The following FOXN2 variants were observed in gnomAD, a reference collection of about 807,000 sequenced individuals.
The protein encoded by FOXN2 is forkhead box protein N2.
Under a neutral mutation model 41.2 loss-of-function variants are expected in FOXN2, and 19 were observed. The observed-to-expected ratio is 0.46, with a 90% CI of 0.32 to 0.68. FOXN2 has a LOEUF of 0.68. Among genes scored for constraint, FOXN2 ranks in the 30% least tolerant of loss-of-function variants. The pLI is 0.03. For synonymous variants in FOXN2, 195 were observed against 176.8 expected (o/e 1.10, Z -0.82); for missense variants, 587 against 509.4 (o/e 1.15, Z -1.47).
At chr2:48,345,511 A>T (rs1012125444) in intron 2 of FOXN2, among the ~76,000 whole-genome samples, 3 of 152,154 alleles carry the variant, frequency 2.0e-5, no homozygotes, top group Admixed American at 6.5e-5. Flanking sequence ...CCACAAAGAG[A>T]GATAGGTATA....
chr2:48,319,681 G>A (rs1669161445), intron 1 of FOXN2, among the ~76,000 whole-genome samples: 1 of 148,148 alleles, frequency 6.8e-6, no homozygotes, highest in Non-Finnish European at 1.5e-5. Context: ...AACAATCACA[G>A]TGCACTGCAA....
At position 48,346,704 on chromosome 2, in the gene FOXN2, C is replaced by T; in HGVS notation, c.490C>T (p.Leu164=). ...CTGGAAGAATTCTGTTCGACATAAT[C>T]TGTCCCTGAATAAATGTTTTCAGAA... ...TGWKNSVRHN[L]SLNKCFQKVE... is the part of the protein sequence containing the mutation. The change falls in exon 3 of 7, where the codon CTG becomes TTG. Residue 164 remains leucine, a synonymous_variant. Coordinates refer to ENST00000340553, the MANE Select transcript of FOXN2 (RefSeq NM_002158.4). The T allele has an allele frequency of 4.4e-6, 7 of 1,608,966 alleles. No individual in the cohort carries two copies. Among genetic ancestry groups the T allele is most frequent in the Non-Finnish European group, 5.1e-6 (6 of 1,178,396 alleles).
At chr2:48,346,869 G>A in intron 3 of FOXN2, 118 bp downstream of exon 3, 1 of 755,752 alleles carries the variant, frequency 1.3e-6, no homozygotes, top group East Asian at 2.7e-5. Context: ...TACTTCAGCT[G>A]AACTGAATTA....
At chr2:48,345,227 T>A (rs1023432269) in intron 2 of FOXN2, among the ~76,000 whole-genome samples, 3 of 152,116 alleles carry the variant, frequency 2.0e-5, no homozygotes, top group Non-Finnish European at 4.4e-5. Flanking sequence ...AATGATAACT[T>A]ATAGTGAATT....
intron 4 of FOXN2, among the ~76,000 whole-genome samples, chr2:48,361,183 A>G (rs911272443): frequency 1.3e-5 from 2 of 152,112 alleles, no homozygotes; most frequent in Non-Finnish European, 2.9e-5. Flanking sequence ...GATAAAAACT[A>G]TGGTCAGGTG....
intron 4 of FOXN2, among the ~76,000 whole-genome samples, chr2:48,361,389 C>T (rs1672172774): frequency 6.6e-6 from 1 of 151,896 alleles, no homozygotes; most frequent in African/African-American, 2.4e-5. Context: ...TCATCTTGAA[C>T]CCAGGAGGCA....
intron 2 of FOXN2, among the ~76,000 whole-genome samples, chr2:48,342,753 A>G (rs183948300): frequency 2.5e-3 from 377 of 152,278 alleles, no homozygotes; most frequent in Non-Finnish European, 4.1e-3. Context: ...AAAGTGTTCT[A>G]TAAGGATAGT....
intron 3 of FOXN2, among the ~76,000 whole-genome samples, chr2:48,352,392 A>G (rs892855792): frequency 1.2e-4 from 19 of 152,202 alleles, no homozygotes; most frequent in African/African-American, 4.6e-4. Flanking sequence ...TGATTTGTAT[A>G]ACACTGTGCT....
chr2:48,328,012 G>C (rs1669793683), intron 1 of FOXN2, among the ~76,000 whole-genome samples: 2 of 152,058 alleles, frequency 1.3e-5, no homozygotes, highest in African/African-American at 4.8e-5. Flanking sequence ...ATTTATTTCT[G>C]ATCATGAATA....
At chr2:48,353,614 AAG>A (rs1671601498) in intron 3 of FOXN2, among the ~76,000 whole-genome samples, 2 of 118,748 alleles carry the variant, frequency 1.7e-5, no homozygotes, top group Non-Finnish European at 3.6e-5. Flanking sequence ...GTGAAAGAGA[AAG>A]GGGGGAGTGA....
Position 48,346,510 on chromosome 2 carries a change from C to T in FOXN2, c.296C>T (p.Ala99Val). 1 of 1,613,972 alleles carries T rather than the reference C, an allele frequency of 6.2e-7. No homozygotes were observed. Among genetic ancestry groups the T allele is most frequent in the East Asian group, 2.2e-5 (1 of 44,884 alleles). The change falls in exon 3 of 7, where the codon GCT (alanine) becomes GTT (valine). Residue 99 changes from alanine (A) to valine (V), a missense_variant. By Grantham distance (64) the Ala-to-Val change is moderately conservative. Transcript: ENST00000340553. Reference protein sequence around the residue: ...EGDDVPSFGPACYQNPEKKSA... With the variant: ...EGDDVPSFGPVCYQNPEKKSA... ...GATGATGTGCCATCCTTTGGACCAGCTTGCTACCAGAACCCAGAAAAAAAA... is the reference window on the plus strand; with the variant it reads ...GATGATGTGCCATCCTTTGGACCAGTTTGCTACCAGAACCCAGAAAAAAAA...
chr2:48,372,474 T>TA (rs1672963485), intron 5 of FOXN2, among the ~76,000 whole-genome samples: 1 of 152,214 alleles, frequency 6.6e-6, no homozygotes, highest in Non-Finnish European at 1.5e-5. Context: ...TTTTGTAAGC[T>TA]AAAATTTATA....
chr2:48,364,927 GA>G (rs1672436939), intron 5 of FOXN2, among the ~76,000 whole-genome samples: 1 of 152,170 alleles, frequency 6.6e-6, no homozygotes, highest in Non-Finnish European at 1.5e-5. Flanking sequence ...TATGCTTGAA[GA>G]TATTTCTCCT....
rs775209088 is a variant in FOXN2 at position 48,375,283 on chromosome 2, G to A, written c.1136G>A (p.Gly379Glu). 1.9e-6 allele frequency: 3 copies of A among 1,613,868 alleles called. No homozygotes were observed. Among genetic ancestry groups the A allele is most frequent in the Non-Finnish European group, 2.5e-6 (3 of 1,179,992 alleles). ...CCTTGTGCAAAAATCTCTGAAAAAG[G>A]GCAGTCAGGCAAAAAGATGCGAAAA... ...SQPCAKISEK[G>E]QSGKKMRKQT... Residue 379 changes from glycine to glutamate, a missense_variant, in exon 7 of 7, where the codon GGG becomes GAG. Coordinates refer to ENST00000340553, the MANE Select transcript of FOXN2 (RefSeq NM_002158.4).
At position 48,346,597 on chromosome 2, in the gene FOXN2, C is replaced by G; in HGVS notation, c.383C>G (p.Ser128Cys). 1 of 1,614,146 alleles carries G rather than the reference C, an allele frequency of 6.2e-7. No homozygotes were observed. The highest frequency in any genetic ancestry group is 8.5e-7 in the Non-Finnish European group (1 of 1,180,018). The change falls in exon 3 of 7, where the codon TCT becomes TGT. Residue 128 changes from serine (S) to cysteine (C), a missense_variant. By Grantham distance (112) the Ser-to-Cys change is moderately radical. Transcript: ENST00000340553. ...CTCATTTATATGGCCATTGAGCACTCTCCAAATAAATGTTTGCCTGTCAAA... is the reference window on the plus strand; with the variant it reads ...CTCATTTATATGGCCATTGAGCACTGTCCAAATAAATGTTTGCCTGTCAAA... ...SLLIYMAIEH[S>C]PNKCLPVKEI...
At chr2:48,322,906 C>CT (rs1375578471) in intron 1 of FOXN2, among the ~76,000 whole-genome samples, 14 of 140,812 alleles carry the variant, frequency 9.9e-5, no homozygotes, top group South Asian at 6.6e-4. Context: ...TTTATTGTTT[C>CT]TTTTTTTTTT....
At chr2:48,359,017 T>C (rs1671991448) in intron 3 of FOXN2, 30 bp from the exon 4 acceptor site, 1 of 1,516,606 alleles carries the variant, frequency 6.6e-7, no homozygotes, top group Non-Finnish European at 9.1e-7. Flanking sequence ...GTATAAAAGT[T>C]CCTAGTTATT....
intron 3 of FOXN2, among the ~76,000 whole-genome samples, chr2:48,356,167 C>A (rs1305306417): frequency 6.6e-6 from 1 of 152,046 alleles, no homozygotes; most frequent in Non-Finnish European, 1.5e-5. Flanking sequence ...ATTGGCCAGG[C>A]GTGGTGGCTC....
chr2:48,359,543 C>T lies in FOXN2; in HGVS notation c.638+396C>T, dbSNP rs1672038416. Among the ~76,000 whole-genome samples the T allele has an allele frequency of 2.0e-5, 3 of 152,286 alleles. No individual in the cohort carries two copies. The South Asian group carries it at 6.2e-4, about 32-fold the overall frequency. ...TCCTGACTTCAAGTGATCCTCCCACCTCTGCCTCCCAAAGTGCTGGGATTA... is the reference window on the plus strand; with the variant it reads ...TCCTGACTTCAAGTGATCCTCCCACTTCTGCCTCCCAAAGTGCTGGGATTA... On this transcript the variant is annotated intron_variant, in intron 4 of 6. Transcript: ENST00000340553.
Sources: allele counts gnomAD v4.1 joint callset (sites outside exome capture counted in the v4.1 genomes callset), GRCh38; gene constraint gnomAD v4.1.1; transcripts MANE v1.5; gene names NCBI Gene and HGNC (gene_info 2026-07-23, HGNC 2026-07-21).